UAP1: variants seen among roughly 807,000 people sequenced by gnomAD.
UAP1 encodes the protein UDP-N-acetylglucosamine pyrophosphorylase 1, also known as UDP-N-acetylhexosamine pyrophosphorylase.
UAP1 carries 25 observed loss-of-function variants against 58.5 expected under a neutral mutation model. The observed-to-expected ratio is 0.43, with a 90% CI of 0.31 to 0.60. The LOEUF (loss-of-function observed/expected upper bound fraction) is 0.60. Ranked by LOEUF, UAP1 falls within the 20% of genes least tolerant of loss-of-function variation. The pLI is 0.11. For synonymous variants in UAP1, 208 were observed against 213.0 expected (o/e 0.98, Z 0.21); for missense variants, 575 against 630.0 (o/e 0.91, Z 0.93).
chr1:162,588,901 C>A, intron 7 of UAP1, 68 bp downstream of exon 7: 4 of 1,471,888 alleles, frequency 2.7e-6, no homozygotes, highest in Non-Finnish European at 1.8e-6. Flanking sequence ...CTCTCTTAGG[C>A]ATGAAACTGT....
intron 2 of UAP1, among the ~76,000 whole-genome samples, chr1:162,574,102 T>TA (rs1230597166): frequency 6.7e-6 from 1 of 150,290 alleles, no homozygotes; most frequent in East Asian, 1.9e-4. Context: ...TCTTTTTTTT[T>TA]TTTTTTTTGA....
chr1:162,576,588 G>T (rs1390111464), intron 2 of UAP1, among the ~76,000 whole-genome samples, 189 bp from the exon 3 acceptor site: 1 of 152,132 alleles, frequency 6.6e-6, no homozygotes, highest in Non-Finnish European at 1.5e-5. Flanking sequence ...AATAAAAGCA[G>T]CAAGCAGGCT....
At chr1:162,570,074 A>G (rs1216973149) in intron 2 of UAP1, among the ~76,000 whole-genome samples, 2 of 151,868 alleles carry the variant, frequency 1.3e-5, no homozygotes, top group African/African-American at 4.8e-5. Context: ...GTGTAAACCC[A>G]GGAGGCGGAG....
chr1:162,582,581 G>A (rs1654655796), intron 5 of UAP1, among the ~76,000 whole-genome samples: 1 of 152,146 alleles, frequency 6.6e-6, no homozygotes, highest in African/African-American at 2.4e-5. Context: ...ACAAATATCA[G>A]TTTTAGGTGG....
At chr1:162,571,519 G>A (rs1285127998) in intron 2 of UAP1, among the ~76,000 whole-genome samples, 1 of 152,192 alleles carries the variant, frequency 6.6e-6, no homozygotes, top group African/African-American at 2.4e-5. Context: ...TGGAGAGATA[G>A]AAAGGGTGAT....
At chr1:162,589,788 A>G (rs1655186917) in intron 7 of UAP1, among the ~76,000 whole-genome samples, 1 of 152,126 alleles carries the variant, frequency 6.6e-6, no homozygotes, top group South Asian at 2.1e-4. Context: ...CCTGGCCAAC[A>G]TGGTGAAACC....
chr1:162,578,645 ACTT>A (rs900882654), intron 3 of UAP1, among the ~76,000 whole-genome samples: 3 of 152,180 alleles, frequency 2.0e-5, no homozygotes, highest in Non-Finnish European at 2.9e-5. Context: ...AAGTTTAGCC[ACTT>A]CTTCTGTCAT....
At chr1:162,567,182 G>A (rs896725828) in intron 2 of UAP1, among the ~76,000 whole-genome samples, 10 of 152,124 alleles carry the variant, frequency 6.6e-5, no homozygotes, top group African/African-American at 2.4e-4. Flanking sequence ...ATTCATTAAG[G>A]TTTACCACAC....
At chr1:162,566,131 C>T (rs780157500) in exon 2 of UAP1, 2 of 1,613,394 alleles carry the variant, frequency 1.2e-6, no homozygotes, top group South Asian at 2.2e-5. Flanking sequence ...TACTACGTTT[C>T]TGGAATGAGC....
intron 5 of UAP1, among the ~76,000 whole-genome samples, chr1:162,583,912 T>A (rs2101800045): frequency 6.6e-6 from 1 of 152,320 alleles, no homozygotes; most frequent in East Asian, 1.9e-4. Context: ...AGTGCTGGGA[T>A]TACAGGCGTG....
chr1:162,589,209 A>ATATATATAT (rs1553232330), intron 7 of UAP1, among the ~76,000 whole-genome samples: 28,403 of 111,594 alleles, frequency 0.25, 3,841 homozygotes, highest in African/African-American at 0.32. Flanking sequence ...TTATATTTAA[A>ATATATATAT]TATATATAAT....
chr1:162,577,306 C>T (rs1023159262), intron 3 of UAP1, among the ~76,000 whole-genome samples: 7 of 151,890 alleles, frequency 4.6e-5, no homozygotes, highest in Admixed American at 6.6e-5. Flanking sequence ...GCGCCTCTTC[C>T]GCATACACAC....
chr1:162,588,934 C>G, intron 7 of UAP1, 101 bp downstream of exon 7: 1 of 1,121,406 alleles, frequency 8.9e-7, no homozygotes. Flanking sequence ...TTTGATAGCA[C>G]ATATCTCACA....
At chr1:162,570,726 T>C in intron 2 of UAP1, among the ~76,000 whole-genome samples, 1 of 152,000 alleles carries the variant, frequency 6.6e-6, no homozygotes, top group East Asian at 1.9e-4. Flanking sequence ...ATAACGTGAT[T>C]AAAAATTAAA....
intron 7 of UAP1, among the ~76,000 whole-genome samples, chr1:162,589,771 A>G (rs935194947): frequency 2.0e-5 from 3 of 152,138 alleles, no homozygotes; most frequent in African/African-American, 4.8e-5. Context: ...AAGGAGTTGG[A>G]TACCAGCCTG....
intron 8 of UAP1, 28 bp from the exon 9 acceptor site, chr1:162,592,704 C>T (rs951489130): frequency 6.6e-7 from 1 of 1,516,438 alleles, no homozygotes; most frequent in African/African-American, 1.4e-5. Context: ...GCTTCCATTC[C>T]CATTAATCCT....
At chr1:162,569,609 A>G (rs1475244018) in intron 2 of UAP1, among the ~76,000 whole-genome samples, 1 of 152,260 alleles carries the variant, frequency 6.6e-6, no homozygotes, top group East Asian at 1.9e-4. Flanking sequence ...CCCATTCTTT[A>G]TTAAAACAAA....
intron 2 of UAP1, among the ~76,000 whole-genome samples, chr1:162,569,227 G>C (rs1184568193): frequency 2.6e-5 from 4 of 152,176 alleles, no homozygotes; most frequent in Non-Finnish European, 4.4e-5. Context: ...GGAAGATCCT[G>C]GTAATTGTAT....
At chr1:162,588,709 T>C in exon 7 of UAP1, 1 of 1,610,720 alleles carries the variant, frequency 6.2e-7, no homozygotes, top group Middle Eastern at 1.7e-4. Context: ...TGAACCTCAG[T>C]TGCAGCACCA....
Sources: gnomAD v4.1 joint callset for allele counts (sites outside exome capture counted in the v4.1 genomes callset) on GRCh38, gnomAD v4.1.1 for gene constraint, MANE v1.5 for transcripts, NCBI Gene and HGNC (gene_info 2026-07-23, HGNC 2026-07-21) for gene names.